Variants in FYN observed in about 807,000 individuals in gnomAD.
FYN encodes FYN proto-oncogene, Src family tyrosine kinase.
FYN carries 10 observed loss-of-function variants against 70.2 expected under a neutral mutation model. That is an observed-to-expected ratio of 0.14 (90% confidence interval 0.09 to 0.24). The LOEUF (loss-of-function observed/expected upper bound fraction) is 0.24, where lower values mean the gene tolerates loss of function less well. FYN is among the 10% of genes least tolerant of loss of function. FYN has a pLI of 1.00. For synonymous variants in FYN, 236 were observed against 248.6 expected (o/e 0.95, Z 0.48); for missense variants, 319 against 673.1 (o/e 0.47, Z 5.82).
intron 1 of FYN, among the ~76,000 whole-genome samples, chr6:111,853,955 C>A (rs1773755351): frequency 6.6e-6 from 1 of 152,160 alleles, no homozygotes; most frequent in Non-Finnish European, 1.5e-5. Context: ...AGAGTCCAGA[C>A]AAAGGAGGGT....
At chr6:111,672,032 A>G (rs1306427752) in intron 13 of FYN, among the ~76,000 whole-genome samples, 2 of 152,096 alleles carry the variant, frequency 1.3e-5, no homozygotes, top group Non-Finnish European at 2.9e-5. Context: ...AGCTCACGAC[A>G]CCCCCAATGA....
intron 2 of FYN, among the ~76,000 whole-genome samples, chr6:111,802,909 T>C (rs1020897646): frequency 1.3e-5 from 2 of 152,158 alleles, no homozygotes; most frequent in Non-Finnish European, 2.9e-5. Flanking sequence ...TTAAATAAAC[T>C]GGGAAAAAGT....
intron 3 of FYN, among the ~76,000 whole-genome samples, chr6:111,758,624 T>C (rs919610593): frequency 6.6e-6 from 1 of 152,266 alleles, no homozygotes; most frequent in African/African-American, 2.4e-5. Flanking sequence ...CCTTTTCTCC[T>C]GAACTCCTGT....
rs912362945 is a variant in FYN at position 111,729,961 on chromosome 6, T to C, written c.-11-9899A>G. Among the ~76,000 whole-genome samples the C allele has an allele frequency of 2.6e-5, 4 of 152,348 alleles. No individual in the cohort carries two copies. In the East Asian group the frequency reaches 5.8e-4, roughly 22 times the overall value. On this transcript the variant is annotated intron_variant, in intron 3 of 13. Transcript: ENST00000354650. Reference sequence around the variant, plus strand: ...TTCTATAAGAAAGTTCCCTTTAATATTATCAGTTACTGATTGAATTTGTAT... The same window carrying C: ...TTCTATAAGAAAGTTCCCTTTAATACTATCAGTTACTGATTGAATTTGTAT...
chr6:111,816,439 A>G (rs1772491912), intron 2 of FYN, among the ~76,000 whole-genome samples: 1 of 152,188 alleles, frequency 6.6e-6, no homozygotes, highest in Admixed American at 6.5e-5. Flanking sequence ...ACAACCTCTC[A>G]CTGATTCTAA....
Position 111,661,329 on chromosome 6 carries a change from G to C in FYN, c.*410C>G, listed in dbSNP as rs2128395135. 6.4e-6 allele frequency: 1 copy of C among 156,336 alleles called. No homozygotes were observed. Among genetic ancestry groups the C allele is most frequent in the South Asian group, 2.0e-4 (1 of 5,010 alleles). The allele number at this position is 156,336 out of a possible 1,614,324, so 9.7% of individuals were successfully genotyped here. Reference sequence around the variant, plus strand: ...AAAAAATTTTATTGTTTTAGACAAAGAGGCCACTTTTGGAAAATAATACTT... The same window carrying C: ...AAAAAATTTTATTGTTTTAGACAAACAGGCCACTTTTGGAAAATAATACTT... On this transcript the variant is annotated 3_prime_UTR_variant, in exon 14 of 14. Transcript: ENST00000354650. The surrounding 1 kb of genome is among the most constrained non-coding windows in gnomAD (Gnocchi z 4.0).
intron 12 of FYN, among the ~76,000 whole-genome samples, chr6:111,691,527 A>G (rs1236483480): frequency 6.6e-6 from 1 of 152,196 alleles, no homozygotes. Flanking sequence ...ATTAATTCCC[A>G]GCAGAAACTT....
chr6:111,848,759 A>G (rs998752583), intron 1 of FYN, among the ~76,000 whole-genome samples: 7 of 152,216 alleles, frequency 4.6e-5, no homozygotes, highest in African/African-American at 1.2e-4. Context: ...AAAACCACGT[A>G]TATCTTTCTT....
chr6:111,700,934 A>G (rs567879355), intron 8 of FYN, among the ~76,000 whole-genome samples: 1 of 152,062 alleles, frequency 6.6e-6, no homozygotes, highest in Non-Finnish European at 1.5e-5. Context: ...AACTGATTCC[A>G]TTCCACCATG....
chr6:111,700,442 A>G (rs1799780300), intron 8 of FYN, among the ~76,000 whole-genome samples, 174 bp from the exon 9 acceptor site: 1 of 151,950 alleles, frequency 6.6e-6, no homozygotes. Flanking sequence ...CGCTCCTTAA[A>G]CAGCGCTACA....
Position 111,864,775 on chromosome 6 carries a change from G to A in FYN, c.-123+8193C>T, listed in dbSNP as rs181012286. On this transcript the variant is annotated intron_variant, in intron 1 of 13. Coordinates refer to ENST00000354650, the MANE Select transcript of FYN (RefSeq NM_002037.5). ...GGGAATGAGGAACCACAGCTCTGGAGCAAAAGCAGGAAAGAGTTTAGCAGT... is the reference window on the plus strand; with the variant it reads ...GGGAATGAGGAACCACAGCTCTGGAACAAAAGCAGGAAAGAGTTTAGCAGT... Among the ~76,000 whole-genome samples, 3 of 152,328 alleles carry A rather than the reference G, an allele frequency of 2.0e-5. No homozygotes were observed. In the East Asian group the frequency reaches 5.8e-4, roughly 29 times the overall value.
chr6:111,786,723 C>T (rs1771403377), intron 2 of FYN, among the ~76,000 whole-genome samples: 2 of 152,274 alleles, frequency 1.3e-5, no homozygotes, highest in South Asian at 4.2e-4. Flanking sequence ...CTCTCCAGCA[C>T]CTGTTCTTTC....
chr6:111,705,185 A>C (rs759236834), intron 6 of FYN, among the ~76,000 whole-genome samples: 1 of 152,238 alleles, frequency 6.6e-6, no homozygotes, highest in African/African-American at 2.4e-5. Context: ...CATTAAAAAA[A>C]GTCAGATTAG....
At chr6:111,824,670 T>A (rs1271502986) in intron 2 of FYN, among the ~76,000 whole-genome samples, 1 of 152,182 alleles carries the variant, frequency 6.6e-6, no homozygotes, top group Non-Finnish European at 1.5e-5. Context: ...TACTCTGAAT[T>A]TCACTTTTTA....
intron 2 of FYN, among the ~76,000 whole-genome samples, chr6:111,810,771 C>T (rs1772298909): frequency 6.6e-6 from 1 of 152,182 alleles, no homozygotes; most frequent in East Asian, 1.9e-4. Flanking sequence ...GAAATGAATG[C>T]TGCCTGGGGC....
intron 5 of FYN, among the ~76,000 whole-genome samples, chr6:111,711,021 A>G (rs1229837730): frequency 6.6e-6 from 1 of 152,158 alleles, no homozygotes; most frequent in Non-Finnish European, 1.5e-5. Flanking sequence ...CCTCTGATTT[A>G]AAGACTTGCT....
At chr6:111,708,237 C>T (rs990688623) in intron 5 of FYN, 7 of 465,068 alleles carry the variant, frequency 1.5e-5, no homozygotes, top group Non-Finnish European at 2.7e-5. Flanking sequence ...TGTCTCTTGC[C>T]TTATTTGTGA....
At chr6:111,829,126 A>G (rs1310708227) in intron 2 of FYN, among the ~76,000 whole-genome samples, 1 of 152,250 alleles carries the variant, frequency 6.6e-6, no homozygotes, top group African/African-American at 2.4e-5. Context: ...ACTGTTAGAA[A>G]ACATGAAATC....
At chr6:111,744,676 C>G (rs2128481796) in intron 3 of FYN, among the ~76,000 whole-genome samples, 1 of 152,250 alleles carries the variant, frequency 6.6e-6, no homozygotes, top group Non-Finnish European at 1.5e-5. Flanking sequence ...TACTACACGT[C>G]AGTTATCTCA....
Sources: allele counts gnomAD v4.1 joint callset (sites outside exome capture counted in the v4.1 genomes callset), GRCh38; gene constraint gnomAD v4.1.1; non-coding constraint Gnocchi (gnomAD v3.1); transcripts MANE v1.5; gene names NCBI Gene and HGNC (gene_info 2026-07-23, HGNC 2026-07-21).